Variants in IMMP2L observed in about 807,000 individuals in gnomAD.
The protein encoded by IMMP2L is inner mitochondrial membrane peptidase subunit 2, also known as mitochondrial inner membrane protease subunit 2.
Under a neutral mutation model 19.3 loss-of-function variants are expected in IMMP2L, and 18 were observed. The ratio of observed to expected loss-of-function variants is 0.93; its 90% confidence interval spans 0.64 to 1.38. The LOEUF (loss-of-function observed/expected upper bound fraction) is 1.38, where lower values mean the gene tolerates loss of function less well. Ranked by LOEUF, IMMP2L falls within the 40% of genes most tolerant of loss-of-function variation. The pLI is 0.00. For missense variants in IMMP2L, 233 were observed against 218.2 expected, an observed-to-expected ratio of 1.07 and a Z score of -0.43; for synonymous variants, 76 against 73.0, an observed-to-expected ratio of 1.04 and a Z score of -0.21.
chr7:110,804,356 C>A (rs148741347), intron 5 of IMMP2L, among the ~76,000 whole-genome samples: 1 of 152,080 alleles, frequency 6.6e-6, no homozygotes, highest in East Asian at 1.9e-4. Context: ...TACTTTTGTA[C>A]TTTTGGCTGT....
rs369993877 is a variant in IMMP2L at position 110,673,985 on chromosome 7, T to C, written c.409-10264A>G. Among the ~76,000 whole-genome samples the C allele has an allele frequency of 1.1e-4, 17 of 152,202 alleles. 1 individual carries two copies. Among genetic ancestry groups the C allele is most frequent in the African/African-American group, 2.9e-4 (12 of 41,446 alleles). On this transcript the variant is annotated intron_variant, in intron 5 of 5. Coordinates refer to ENST00000405709, the MANE Select transcript of IMMP2L (RefSeq NM_032549.4). The stretch of plus-strand genomic sequence containing the variant: ...AGTTGCTTCTACTTTTTGGGGTATC[T>C]TTAAGCAGAACCCCACTCCCAGTAC...
intron 3 of IMMP2L, among the ~76,000 whole-genome samples, chr7:111,449,099 G>C (rs1432910363): frequency 1.3e-5 from 2 of 150,316 alleles, no homozygotes; most frequent in Non-Finnish European, 3.0e-5. Flanking sequence ...TCCAGGACCA[G>C]ATGGATTCAC....
At chr7:110,743,103 A>T (rs1406945704) in intron 5 of IMMP2L, among the ~76,000 whole-genome samples, 1 of 152,252 alleles carries the variant, frequency 6.6e-6, no homozygotes, top group African/African-American at 2.4e-5. Context: ...TGAAAAGCTT[A>T]CTGAAAGTCA....
At chr7:110,818,733 G>A (rs1466985345) in intron 5 of IMMP2L, among the ~76,000 whole-genome samples, 1 of 151,844 alleles carries the variant, frequency 6.6e-6, no homozygotes. Context: ...ACGATAGACT[G>A]GATTAAGAAA....
At chr7:110,939,032 A>C (rs1011967393) in intron 4 of IMMP2L, among the ~76,000 whole-genome samples, 1 of 152,222 alleles carries the variant, frequency 6.6e-6, no homozygotes, top group Non-Finnish European at 1.5e-5. Context: ...CTAAGTTTAC[A>C]TTGCTAAATC....
chr7:111,533,426 C>T (rs2132832796), intron 1 of IMMP2L, among the ~76,000 whole-genome samples: 1 of 152,216 alleles, frequency 6.6e-6, no homozygotes, highest in South Asian at 2.1e-4. Flanking sequence ...ACAAAGCTGA[C>T]CCGCTCCTAA....
intron 1 of IMMP2L, among the ~76,000 whole-genome samples, chr7:111,542,535 T>C (rs886716838): frequency 6.6e-6 from 1 of 152,090 alleles, no homozygotes; most frequent in Non-Finnish European, 1.5e-5. Flanking sequence ...CCCTGTAAAC[T>C]AGGTATTTAA....
At chr7:110,968,900 A>G (rs1251280237) in intron 3 of IMMP2L, among the ~76,000 whole-genome samples, 2 of 152,116 alleles carry the variant, frequency 1.3e-5, no homozygotes, top group Non-Finnish European at 2.9e-5. Flanking sequence ...TAATAAATTC[A>G]TAAAGGAGAT....
At chr7:110,809,982 C>A (rs1562990078) in intron 5 of IMMP2L, among the ~76,000 whole-genome samples, 1 of 151,988 alleles carries the variant, frequency 6.6e-6, no homozygotes, top group African/African-American at 2.4e-5. Flanking sequence ...ACACGAAAGA[C>A]AAAGCACACC....
chr7:111,485,574 C>T (rs6953871), intron 3 of IMMP2L, among the ~76,000 whole-genome samples: 3 of 112,244 alleles, frequency 2.7e-5, no homozygotes, highest in South Asian at 3.1e-4. Context: ...CTCCAGCCTG[C>T]GCAACAGAGC....
chr7:110,986,663 T>G (rs1356705249), intron 3 of IMMP2L, among the ~76,000 whole-genome samples: 1 of 152,060 alleles, frequency 6.6e-6, no homozygotes, highest in Admixed American at 6.6e-5. Context: ...GAGGAGAGAA[T>G]ACAAACTCCA....
intron 2 of IMMP2L, among the ~76,000 whole-genome samples, chr7:111,500,147 C>G (rs1328415599): frequency 6.6e-6 from 1 of 152,162 alleles, no homozygotes; most frequent in East Asian, 1.9e-4. Flanking sequence ...AACGGCATAC[C>G]AGGAGATTAT....
intron 3 of IMMP2L, among the ~76,000 whole-genome samples, chr7:111,444,943 C>G (rs34365733): frequency 1.3e-5 from 2 of 152,044 alleles, no homozygotes; most frequent in Non-Finnish European, 2.9e-5. Flanking sequence ...TTTAGACTTA[C>G]GTTTTTCTTG....
intron 1 of IMMP2L, among the ~76,000 whole-genome samples, chr7:111,526,422 T>C (rs767160543): frequency 1.3e-5 from 2 of 152,196 alleles, no homozygotes; most frequent in Non-Finnish European, 2.9e-5. Context: ...GTTAATTCTA[T>C]ATGCTAGGAA....
chr7:110,884,873 T>C (rs1405849500), intron 5 of IMMP2L, among the ~76,000 whole-genome samples: 5 of 151,988 alleles, frequency 3.3e-5, no homozygotes, highest in Non-Finnish European at 1.5e-5. Context: ...AAAAAAGAAG[T>C]AGGAGTAGTT....
chr7:110,679,929 T>C (rs1035268201), intron 5 of IMMP2L, among the ~76,000 whole-genome samples: 2 of 152,160 alleles, frequency 1.3e-5, no homozygotes, highest in Non-Finnish European at 2.9e-5. Flanking sequence ...AGAGGACACT[T>C]CACATTTTTA....
chr7:110,681,726 T>C (rs1048160725), intron 5 of IMMP2L, among the ~76,000 whole-genome samples: 4 of 152,156 alleles, frequency 2.6e-5, no homozygotes, highest in African/African-American at 9.7e-5. Flanking sequence ...CTTAAAAGGC[T>C]TATAATTCAC....
intron 3 of IMMP2L, among the ~76,000 whole-genome samples, chr7:111,079,328 G>A (rs1285048119): frequency 1.3e-5 from 2 of 151,264 alleles, no homozygotes; most frequent in Non-Finnish European, 2.9e-5. Context: ...CGTTTTAGCC[G>A]GGATGGTCTC....
In IMMP2L at chr7:111,365,323, GC is replaced by G. The variant is rs1283633884; in HGVS notation, c.239+121914del. 4.6e-5 allele frequency among the ~76,000 whole-genome samples: 7 copies of G among 152,140 alleles called. No homozygotes were observed. In the East Asian group the frequency reaches 1.4e-3, roughly 29 times the overall value. On this transcript the variant is annotated intron_variant, in intron 3 of 5. Transcript: ENST00000405709. ...TTTCATTTCTTGAAAATATTTTCAT[GC>G]TTATCCTTTTCAATAATGCCACATC... is the stretch of plus-strand genomic sequence containing the variant.
Sources: allele counts gnomAD v4.1 joint callset (sites outside exome capture counted in the v4.1 genomes callset), GRCh38; gene constraint gnomAD v4.1.1; transcripts MANE v1.5; gene names NCBI Gene and HGNC (gene_info 2026-07-23, HGNC 2026-07-21).